USP13: variants seen among roughly 807,000 people sequenced by gnomAD.
USP13 encodes the protein ubiquitin specific peptidase 13.
In USP13, 68 loss-of-function variants were observed where a neutral mutation model predicts 107.8. The ratio of observed to expected loss-of-function variants is 0.63; its 90% CI spans 0.52 to 0.77. USP13 has a LOEUF of 0.77. USP13 is among the 30% of genes least tolerant of loss of function. USP13 has a pLI of 0.00. For missense variants in USP13, 945 were observed against 1,093.3 expected (o/e 0.86, Z 1.91); for synonymous variants, 377 against 389.5 (o/e 0.97, Z 0.38).
At chr3:179,739,403 C>T (rs893779453) in intron 10 of USP13, among the ~76,000 whole-genome samples, 1 of 152,154 alleles carries the variant, frequency 6.6e-6, no homozygotes, top group African/African-American at 2.4e-5. Flanking sequence ...GGGGTGGGCT[C>T]GTGAGCTTGA....
chr3:179,730,489 T>C, intron 9 of USP13, 127 bp from the exon 10 acceptor site: 1 of 883,600 alleles, frequency 1.1e-6, no homozygotes, highest in Non-Finnish European at 1.7e-6. Context: ...ATAAGTTATT[T>C]GTGTGTAACG....
At chr3:179,745,000 G>A (rs1313858049) in intron 12 of USP13, 43 bp from the exon 13 acceptor site, 4 of 1,611,042 alleles carry the variant, frequency 2.5e-6, no homozygotes, top group African/African-American at 1.3e-5. Flanking sequence ...ATTTCCACAG[G>A]GTAAGAGCGA....
intron 13 of USP13, among the ~76,000 whole-genome samples, chr3:179,748,004 T>C (rs1311843916): frequency 6.6e-6 from 1 of 152,184 alleles, no homozygotes; most frequent in Non-Finnish European, 1.5e-5. Context: ...AACTGGTCCT[T>C]GTGGGAAAGA....
chr3:179,772,255 C>T (rs746640455), intron 19 of USP13, among the ~76,000 whole-genome samples: 1 of 152,210 alleles, frequency 6.6e-6, no homozygotes, highest in Non-Finnish European at 1.5e-5. Flanking sequence ...TCTGACCTAT[C>T]GGGGCTTCTG....
chr3:179,722,830 C>T (rs1240862788), intron 8 of USP13, among the ~76,000 whole-genome samples: 2 of 152,182 alleles, frequency 1.3e-5, no homozygotes, highest in Non-Finnish European at 2.9e-5. Flanking sequence ...AAAACTGACC[C>T]TTTACCGCAG....
intron 2 of USP13, among the ~76,000 whole-genome samples, chr3:179,684,984 C>T (rs1449314824): frequency 6.6e-6 from 1 of 152,138 alleles, no homozygotes; most frequent in East Asian, 1.9e-4. Flanking sequence ...TCTATGAGGG[C>T]AGGGACTTTC....
At chr3:179,758,259 C>G (rs1355167796) in intron 16 of USP13, among the ~76,000 whole-genome samples, 1 of 152,016 alleles carries the variant, frequency 6.6e-6, no homozygotes, top group African/African-American at 2.4e-5. Context: ...GAGAGGTTTG[C>G]TGGTTGCGCC....
chr3:179,736,161 GT>G (rs1201553345), intron 10 of USP13, among the ~76,000 whole-genome samples: 1 of 152,194 alleles, frequency 6.6e-6, no homozygotes, highest in Admixed American at 6.5e-5. Context: ...TCTTTCTAAA[GT>G]CCCCCTCCTT....
At chr3:179,672,624 G>C (rs1402104686) in intron 1 of USP13, among the ~76,000 whole-genome samples, 1 of 152,086 alleles carries the variant, frequency 6.6e-6, no homozygotes, top group Non-Finnish European at 1.5e-5. Context: ...AGTAGAGATG[G>C]GGTTTCACCA....
chr3:179,753,570 C>T (rs1398675727), intron 14 of USP13, among the ~76,000 whole-genome samples: 2 of 152,178 alleles, frequency 1.3e-5, no homozygotes, highest in Non-Finnish European at 2.9e-5. Context: ...TAAGGAACCT[C>T]AAAATGTTCT....
chr3:179,753,234 C>A (rs114697222), intron 14 of USP13, among the ~76,000 whole-genome samples: 2 of 152,186 alleles, frequency 1.3e-5, no homozygotes, highest in Non-Finnish European at 2.9e-5. Flanking sequence ...GATGTAGAAT[C>A]GGCTGGAGTG....
Position 179,708,934 on chromosome 3 carries a change from G to A in USP13, c.782G>A (p.Gly261Glu). ...DMGYPLAVKL[G>E]TITPDGADVY... The stretch of plus-strand genomic sequence containing the variant: ...GGCTACCCACTAGCCGTGAAACTGG[G>A]AACCATCACTCCTGACGGGGCAGGT... The change falls in exon 6 of 21, where the codon GGA becomes GAA. Residue 261 changes from glycine to glutamate, a missense_variant. Transcript: ENST00000263966. 1 of 1,614,180 alleles carries A rather than the reference G, an allele frequency of 6.2e-7. No homozygotes were observed. Among genetic ancestry groups the A allele is most frequent in the Non-Finnish European group, 8.5e-7 (1 of 1,180,028 alleles).
intron 1 of USP13, among the ~76,000 whole-genome samples, chr3:179,657,906 G>A (rs933238842): frequency 6.6e-5 from 10 of 151,924 alleles, no homozygotes; most frequent in Non-Finnish European, 1.0e-4. Context: ...CTGCTCATAA[G>A]CCTCCCTGGA....
chr3:179,676,386 G>A (rs571689849), intron 1 of USP13, among the ~76,000 whole-genome samples: 85 of 152,222 alleles, frequency 5.6e-4, no homozygotes, highest in Non-Finnish European at 8.7e-4. Flanking sequence ...GGAGGCATGC[G>A]CTTTACCATG....
chr3:179,777,378 A>G (rs2108552616), intron 19 of USP13, among the ~76,000 whole-genome samples: 1 of 149,470 alleles, frequency 6.7e-6, no homozygotes, highest in East Asian at 2.0e-4. Flanking sequence ...TGCTGAAGCC[A>G]TTGTTTTGCA....
At chr3:179,732,827 T>TC (rs1300319378) in intron 10 of USP13, among the ~76,000 whole-genome samples, 1 of 152,174 alleles carries the variant, frequency 6.6e-6, no homozygotes, top group Non-Finnish European at 1.5e-5. Context: ...TTGTCTCTCT[T>TC]CCCCCACTGG....
At chr3:179,733,384 G>T (rs1713872404) in intron 10 of USP13, among the ~76,000 whole-genome samples, 1 of 152,148 alleles carries the variant, frequency 6.6e-6, no homozygotes, top group Non-Finnish European at 1.5e-5. Context: ...GTGGCCCTGG[G>T]GGTGTCCGTT....
intron 1 of USP13, among the ~76,000 whole-genome samples, chr3:179,672,416 C>T (rs1403011364): frequency 1.4e-5 from 2 of 143,152 alleles, no homozygotes; most frequent in East Asian, 4.1e-4. Flanking sequence ...GACAGTGTGT[C>T]GCTCTGTTGC....
Position 179,763,152 on chromosome 3 carries a change from T to TC in USP13, c.2093-843dup, listed in dbSNP as rs201077527. 2.0e-3 allele frequency among the ~76,000 whole-genome samples: 306 copies of TC among 152,290 alleles called. 3 individuals are homozygous for TC. Among genetic ancestry groups the TC allele is most frequent in the African/African-American group, 7.1e-3 (294 of 41,540 alleles). On this transcript the variant is annotated intron_variant, in intron 17 of 20. Coordinates refer to ENST00000263966, the MANE Select transcript of USP13 (RefSeq NM_003940.3). Reference sequence around the variant, plus strand: ...TCTATGAGATATATGATTTGTGTTTTCCCCCCCATTCTGGTGTTTTTTCAC... The same window carrying TC: ...TCTATGAGATATATGATTTGTGTTTTCCCCCCCCATTCTGGTGTTTTTTCAC...
Sources: allele counts gnomAD v4.1 joint callset (sites outside exome capture counted in the v4.1 genomes callset), GRCh38; gene constraint gnomAD v4.1.1; transcripts MANE v1.5; gene names NCBI Gene and HGNC (gene_info 2026-07-23, HGNC 2026-07-21).